FAM107B: variants seen among roughly 807,000 people sequenced by gnomAD.
FAM107B encodes protein FAM107B.
In FAM107B, 21 loss-of-function variants were observed where a neutral mutation model predicts 31.5. That is an observed-to-expected ratio of 0.67 (90% CI 0.47 to 0.96). The LOEUF is 0.96. Among genes scored for constraint, FAM107B ranks in the 40% least tolerant of loss-of-function variants. The probability of loss-of-function intolerance (pLI) is 0.00; values close to 1 mark genes in which losing one functional copy is unlikely to be tolerated. For synonymous variants in FAM107B, 157 were observed against 141.5 expected (o/e 1.11, Z -0.78); for missense variants, 452 against 377.1 (o/e 1.20, Z -1.64).
At chr10:14,761,011 C>CAAAAAA (rs565835423) in intron 1 of FAM107B, among the ~76,000 whole-genome samples, 33 of 77,568 alleles carry the variant, frequency 4.3e-4, no homozygotes, top group South Asian at 5.0e-4. Context: ...GACTCCGTTT[C>CAAAAAA]AAAAAAAAAA....
intron 2 of FAM107B, among the ~76,000 whole-genome samples, chr10:14,601,213 T>C (rs540927395): frequency 2.6e-4 from 40 of 152,296 alleles, no homozygotes; most frequent in Non-Finnish European, 4.4e-4. Flanking sequence ...AAATAGCCCC[T>C]TGTCCATGCA....
intron 2 of FAM107B, among the ~76,000 whole-genome samples, chr10:14,612,320 T>G (rs145269942): frequency 3.9e-5 from 6 of 152,350 alleles, no homozygotes; most frequent in Non-Finnish European, 5.9e-5. Context: ...TGGATAATAT[T>G]AATAAAAGTT....
intron 2 of FAM107B, among the ~76,000 whole-genome samples, chr10:14,570,206 A>C (rs1330677336): frequency 6.6e-6 from 1 of 151,138 alleles, no homozygotes; most frequent in Non-Finnish European, 1.5e-5. Flanking sequence ...ACGACATTGA[A>C]AACGTACCTA....
intron 1 of FAM107B, among the ~76,000 whole-genome samples, chr10:14,673,746 C>A (rs1310980761): frequency 6.6e-6 from 1 of 152,012 alleles, no homozygotes; most frequent in Non-Finnish European, 1.5e-5. Context: ...TGTAGGAGTT[C>A]CCCTTTCTCC....
At chr10:14,599,237 C>G (rs185398830) in intron 2 of FAM107B, among the ~76,000 whole-genome samples, 19 of 152,168 alleles carry the variant, frequency 1.2e-4, no homozygotes, top group Admixed American at 3.3e-4. Context: ...TGTCCCCCCC[C>G]ACTTCAAGAC....
intron 2 of FAM107B, among the ~76,000 whole-genome samples, chr10:14,537,278 G>C (rs971391070): frequency 7.9e-5 from 12 of 152,220 alleles, no homozygotes; most frequent in Non-Finnish European, 1.2e-4. Context: ...CCATCTTGGA[G>C]CTGGTGTCCA....
chr10:14,716,933 T>C (rs1413665167), intron 1 of FAM107B, among the ~76,000 whole-genome samples: 1 of 151,876 alleles, frequency 6.6e-6, no homozygotes, highest in Non-Finnish European at 1.5e-5. Flanking sequence ...CTACTAAAAA[T>C]ACAAAAATAA....
chr10:14,735,553 C>T (rs2131565056), intron 1 of FAM107B, among the ~76,000 whole-genome samples: 1 of 152,294 alleles, frequency 6.6e-6, no homozygotes, highest in African/African-American at 2.4e-5. Flanking sequence ...GCATCATTAA[C>T]AGATAAGCAA....
chr10:14,542,905 G>A (rs941766445), intron 2 of FAM107B, among the ~76,000 whole-genome samples: 3 of 152,202 alleles, frequency 2.0e-5, no homozygotes, highest in Non-Finnish European at 2.9e-5. Flanking sequence ...ACACTGGCTT[G>A]CATAAATATT....
At chr10:14,723,167 C>T (rs963267064) in intron 1 of FAM107B, 1 of 506,878 alleles carries the variant, frequency 2.0e-6, no homozygotes, top group Non-Finnish European at 3.9e-6. Flanking sequence ...ACAAGAACAG[C>T]TTAAGACCAT....
rs138527218 is a variant in FAM107B at position 14,722,755 on chromosome 10, C to A, written c.411+51498G>T. Among the ~76,000 whole-genome samples the A allele has an allele frequency of 3.7e-3, 562 of 152,184 alleles. 6 individuals are homozygous for A. Among genetic ancestry groups the A allele is most frequent in the African/African-American group, 0.013 (527 of 41,526 alleles). On this transcript the variant is annotated intron_variant, in intron 1 of 4. Coordinates refer to ENST00000181796, the MANE Select transcript of FAM107B (RefSeq NM_031453.4). ...ATAATTTGCAAATATTTTCTCTTAT[C>A]CCATAGGTTGTCTTTTTAATTTCTT...
At chr10:14,614,983 G>C (rs1265688513) in intron 2 of FAM107B, among the ~76,000 whole-genome samples, 1 of 152,130 alleles carries the variant, frequency 6.6e-6, no homozygotes, top group Non-Finnish European at 1.5e-5. Context: ...GTAGACGGAG[G>C]GGAATCCAGG....
Position 14,690,664 on chromosome 10 carries a change from G to A in FAM107B, c.412-22973C>T, listed in dbSNP as rs147304726. On this transcript the variant is annotated intron_variant, in intron 1 of 4. Transcript: ENST00000181796. ...AGACAGGGTTTCACCTTGTTAGCCA[G>A]GATGGTCTCGATCTCCTGACCTTGT... 1.3e-4 allele frequency among the ~76,000 whole-genome samples: 20 copies of A among 152,166 alleles called. No homozygotes were observed. In the East Asian group the frequency reaches 3.9e-3, roughly 29 times the overall value.
chr10:14,533,523 C>G (rs997929163), intron 2 of FAM107B, among the ~76,000 whole-genome samples: 1 of 152,152 alleles, frequency 6.6e-6, no homozygotes, highest in Non-Finnish European at 1.5e-5. Context: ...ACTCGCTCTC[C>G]TTTACCTGAC....
At chr10:14,708,181 G>C (rs1855563137) in intron 1 of FAM107B, among the ~76,000 whole-genome samples, 1 of 152,056 alleles carries the variant, frequency 6.6e-6, no homozygotes, top group African/African-American at 2.4e-5. Flanking sequence ...AGGTTCAAGA[G>C]ATTCTCCTTT....
At chr10:14,764,229 T>G (rs1197263471) in intron 1 of FAM107B, among the ~76,000 whole-genome samples, 1 of 152,252 alleles carries the variant, frequency 6.6e-6, no homozygotes, top group East Asian at 1.9e-4. Context: ...CCTGCACTAA[T>G]TATAATTAAT....
At chr10:14,753,878 TA>T (rs147607437) in intron 1 of FAM107B, among the ~76,000 whole-genome samples, 35 of 147,260 alleles carry the variant, frequency 2.4e-4, no homozygotes, top group Admixed American at 1.2e-3. Context: ...ATACTATGGC[TA>T]AAAAAAAAAT....
chr10:14,581,202 G>C (rs767615196), intron 2 of FAM107B, among the ~76,000 whole-genome samples: 1 of 152,174 alleles, frequency 6.6e-6, no homozygotes, highest in African/African-American at 2.4e-5. Flanking sequence ...AGCGTTGCGC[G>C]TCAGATGTCG....
intron 1 of FAM107B, among the ~76,000 whole-genome samples, chr10:14,718,922 T>C (rs1239938654): frequency 6.6e-6 from 1 of 152,016 alleles, no homozygotes; most frequent in African/African-American, 2.4e-5. Context: ...CCTTGAGAGG[T>C]GGGAAGAGTA....
Sources: gnomAD v4.1 joint callset for allele counts (sites outside exome capture counted in the v4.1 genomes callset) on GRCh38, gnomAD v4.1.1 for gene constraint, MANE v1.5 for transcripts, NCBI Gene and HGNC (gene_info 2026-07-23, HGNC 2026-07-21) for gene names.